SVOPL: variants seen among roughly 807,000 people sequenced by gnomAD.
SVOPL encodes the protein putative transporter SVOPL.
In SVOPL, 60 loss-of-function variants were observed where a neutral mutation model predicts 61.0. The observed-to-expected ratio is 0.98, with a 90% CI of 0.80 to 1.22. The LOEUF (loss-of-function observed/expected upper bound fraction) is 1.22. SVOPL is among the 50% of genes most tolerant of loss of function. The pLI is 0.00. For synonymous variants in SVOPL, 279 were observed against 250.0 expected, an observed-to-expected ratio of 1.12 and a Z score of -1.09; for missense variants, 662 against 643.9, an observed-to-expected ratio of 1.03 and a Z score of -0.30.
At chr7:138,621,478 G>A (rs902247360) in intron 13 of SVOPL, among the ~76,000 whole-genome samples, 16 of 152,128 alleles carry the variant, frequency 1.1e-4, no homozygotes, top group African/African-American at 2.9e-4. Flanking sequence ...TCTACTGAAC[G>A]GGAAGAAAAT....
chr7:138,595,239 G>T (rs1174065122), intron 15 of SVOPL, among the ~76,000 whole-genome samples: 1 of 152,136 alleles, frequency 6.6e-6, no homozygotes, highest in African/African-American at 2.4e-5. Flanking sequence ...TTTTTGCCAT[G>T]TTCTTATAAA....
chr7:138,675,240 AAAAG>A (rs1374855979), intron 3 of SVOPL, among the ~76,000 whole-genome samples: 1 of 150,148 alleles, frequency 6.7e-6, no homozygotes, highest in African/African-American at 2.4e-5. Context: ...ATCTCAAAAA[AAAAG>A]AAAAAAGAAA....
chr7:138,664,777 G>A (rs1802184273), intron 4 of SVOPL, among the ~76,000 whole-genome samples: 1 of 96,378 alleles, frequency 1.0e-5, no homozygotes, highest in Non-Finnish European at 2.1e-5. Context: ...GCACGCTGCT[G>A]CTGCTCACCC....
At chr7:138,676,534 C>T (rs1417002715) in intron 3 of SVOPL, among the ~76,000 whole-genome samples, 1 of 147,122 alleles carries the variant, frequency 6.8e-6, no homozygotes. Context: ...ATCCCATTCA[C>T]GAGGGAGGAG....
chr7:138,616,410 C>T (rs1378546020), intron 14 of SVOPL, among the ~76,000 whole-genome samples: 1 of 151,298 alleles, frequency 6.6e-6, no homozygotes, highest in Non-Finnish European at 1.5e-5. Context: ...GATCTTGACT[C>T]ACCACAAACT....
intron 1 of SVOPL, among the ~76,000 whole-genome samples, chr7:138,685,885 TA>T (rs1802799328): frequency 7.0e-6 from 1 of 142,828 alleles, no homozygotes; most frequent in Admixed American, 7.1e-5. Context: ...AAAAATAAAA[TA>T]AAATAAATAA....
At chr7:138,661,562 T>C in intron 5 of SVOPL, 7 of 985,400 alleles carry the variant, frequency 7.1e-6, no homozygotes, top group Non-Finnish European at 8.4e-6. Context: ...GACTAGCTGA[T>C]AAATTACCTA....
chr7:138,630,963 AAAAAAAG>A (rs1489452933), intron 9 of SVOPL, among the ~76,000 whole-genome samples: 28 of 151,638 alleles, frequency 1.8e-4, no homozygotes, highest in Non-Finnish European at 4.0e-4. Flanking sequence ...AAAAAAAAAA[AAAAAAAG>A]CAAGGAAGAG....
chr7:138,644,975 T>C (rs1269470313), intron 8 of SVOPL, 130 bp from the exon 9 acceptor site: 5 of 1,190,858 alleles, frequency 4.2e-6, no homozygotes, highest in Non-Finnish European at 5.9e-6. Flanking sequence ...CTTAAAGGCA[T>C]GCAATGTAGC....
chr7:138,658,286 C>G (rs888435842), intron 6 of SVOPL, among the ~76,000 whole-genome samples: 4 of 151,468 alleles, frequency 2.6e-5, no homozygotes, highest in Admixed American at 6.6e-5. Flanking sequence ...CTGACATATT[C>G]CCCCCCCTCC....
rs749556971 is a variant in SVOPL at position 138,628,205 on chromosome 7, G to A, written c.1022C>T (p.Pro341Leu). Reference sequence around the variant, plus strand: ...GATGATCATGGTCCGATAGTCAGAGGGTGCAAACATGTGGCAGTAGCAGGG... The same window carrying A: ...GATGATCATGGTCCGATAGTCAGAGAGTGCAAACATGTGGCAGTAGCAGGG... The part of the protein sequence containing the change: ...QSPCYCHMFA[P>L]SDYRTMIIST... The change falls in exon 11 of 16, where the codon CCC becomes CTC. Residue 341 changes from proline (P) to leucine (L), a missense_variant. By Grantham distance (98) the Pro-to-Leu change is moderately conservative (BLOSUM62 -3). Transcript: ENST00000674285. 1.9e-6 allele frequency: 3 copies of A among 1,614,150 alleles called. No homozygotes were observed. Among genetic ancestry groups the A allele is most frequent in the African/African-American group, 1.3e-5 (1 of 75,040 alleles).
chr7:138,687,977 T>A (rs529736898), intron 1 of SVOPL, among the ~76,000 whole-genome samples: 1 of 152,004 alleles, frequency 6.6e-6, no homozygotes, highest in African/African-American at 2.4e-5. Context: ...AATTTTTGTA[T>A]TTTTTAGTAG....
At chr7:138,643,243 G>A (rs1179277898) in intron 9 of SVOPL, among the ~76,000 whole-genome samples, 1 of 151,978 alleles carries the variant, frequency 6.6e-6, no homozygotes, top group Non-Finnish European at 1.5e-5. Flanking sequence ...TGGTCAACAT[G>A]GTGAAACCCC....
At chr7:138,620,921 G>C (rs1050285719) in intron 14 of SVOPL, 125 bp downstream of exon 14, 4 of 847,400 alleles carry the variant, frequency 4.7e-6, no homozygotes, top group East Asian at 5.5e-5. Context: ...GCAGGGAAAC[G>C]GCACCTCCAG....
intron 8 of SVOPL, chr7:138,646,167 C>G (rs1051804999): frequency 1.9e-4 from 38 of 202,984 alleles, no homozygotes; most frequent in African/African-American, 7.1e-4. Flanking sequence ...ATCTCGGCTC[C>G]TAGAGTGCTT....
intron 14 of SVOPL, among the ~76,000 whole-genome samples, chr7:138,614,101 A>T (rs1799176406): frequency 6.6e-6 from 1 of 152,234 alleles, no homozygotes; most frequent in African/African-American, 2.4e-5. Flanking sequence ...TATGCTAACA[A>T]ATAGACTGCA....
At position 138,649,060 on chromosome 7, in the gene SVOPL, G is replaced by A. The variant is rs1206226292; in HGVS notation, c.612C>T (p.Leu204=). Residue 204 remains leucine, a synonymous_variant, in exon 8 of 16, where the codon CTC becomes CTT. Transcript: ENST00000674285. ...VIIPTIGWRW[L]IRVASIPGII... ...TGCCCGGGATGGAGGCGACGCGAATGAGCCAGCGCCACCCGATGGTGGGGA... is the reference window on the plus strand; with the variant it reads ...TGCCCGGGATGGAGGCGACGCGAATAAGCCAGCGCCACCCGATGGTGGGGA... The A allele has an allele frequency of 1.9e-6, 3 of 1,613,784 alleles. No homozygotes were observed. The highest frequency in any genetic ancestry group is 2.2e-5 in the South Asian group (2 of 91,062).
At chr7:138,679,788 C>T (rs2117123549) in intron 1 of SVOPL, among the ~76,000 whole-genome samples, 1 of 152,278 alleles carries the variant, frequency 6.6e-6, no homozygotes, top group South Asian at 2.1e-4. Flanking sequence ...ACTATTATTA[C>T]TCTGTATGAG....
At chr7:138,649,977 G>C (rs980664343) in intron 7 of SVOPL, among the ~76,000 whole-genome samples, 1 of 151,984 alleles carries the variant, frequency 6.6e-6, no homozygotes, top group South Asian at 2.1e-4. Flanking sequence ...CATTATAGGC[G>C]CGTGCCACCA....
Sources: gnomAD v4.1 joint callset for allele counts (sites outside exome capture counted in the v4.1 genomes callset) on GRCh38, gnomAD v4.1.1 for gene constraint, MANE v1.5 for transcripts, NCBI Gene and HGNC (gene_info 2026-07-23, HGNC 2026-07-21) for gene names.